The following CD99L2 variants were observed in gnomAD, a reference collection of about 807,000 sequenced individuals.
The protein encoded by CD99L2 is CD99 molecule like 2, also known as CD99 antigen-like protein 2.
Under a neutral mutation model 27.3 loss-of-function variants are expected in CD99L2, and 24 were observed. The ratio of observed to expected loss-of-function variants is 0.88; its 90% CI spans 0.64 to 1.24. CD99L2 has a LOEUF of 1.24. Among genes scored for constraint, CD99L2 ranks in the 50% most tolerant of loss-of-function variants. CD99L2 has a pLI of 0.00. For synonymous variants in CD99L2, 97 were observed against 87.9 expected, an observed-to-expected ratio of 1.10 and a Z score of -0.58; for missense variants, 255 against 221.6, an observed-to-expected ratio of 1.15 and a Z score of -0.96.
chrX:150,831,156 G>A (rs1392863736), intron 2 of CD99L2, 75 bp downstream of exon 2: 24 of 790,684 alleles, frequency 3.0e-5, no homozygotes, highest in African/African-American at 1.1e-4. Flanking sequence ...TTTTTCTTGC[G>A]CATATATTCT....
intron 1 of CD99L2, among the ~76,000 whole-genome samples, chrX:150,875,031 G>A (rs782002525): frequency 8.9e-6 from 1 of 111,797 alleles, no homozygotes; most frequent in South Asian, 3.8e-4. Flanking sequence ...AAATACTTCA[G>A]TGTTTACTGC....
intron 2 of CD99L2, among the ~76,000 whole-genome samples, 185 bp downstream of exon 2, chrX:150,831,046 T>A (rs939342371): frequency 1.6e-4 from 18 of 111,394 alleles, no homozygotes; most frequent in African/African-American, 5.9e-4. Context: ...TGACCTCAAG[T>A]GATCCTCCCA....
At chrX:150,898,415 A>C in intron 1 of CD99L2, 107 bp downstream of exon 1, 11 of 580,429 alleles carry the variant, frequency 1.9e-5, no homozygotes, top group Non-Finnish European at 2.2e-5. Flanking sequence ...GGTGGCAGCC[A>C]CCGCAGGCCC....
chrX:150,880,693 T>C (rs781970755), intron 1 of CD99L2, among the ~76,000 whole-genome samples: 2 of 111,539 alleles, frequency 1.8e-5, no homozygotes, highest in South Asian at 7.7e-4. Flanking sequence ...TCGTATGGTG[T>C]GTGAAAGAAA....
At chrX:150,816,291 G>A (rs2046154293) in intron 2 of CD99L2, 1 of 410,768 alleles carries the variant, frequency 2.4e-6, no homozygotes, top group East Asian at 4.1e-5. Flanking sequence ...TTCTTTGGAG[G>A]CTGAGGGTGG....
chrX:150,889,948 C>T (rs1167451361), intron 1 of CD99L2, among the ~76,000 whole-genome samples: 3 of 107,873 alleles, frequency 2.8e-5, no homozygotes, highest in Admixed American at 2.0e-4. Context: ...GTCAGGAGAT[C>T]GAGACCATCC....
intron 7 of CD99L2, among the ~76,000 whole-genome samples, chrX:150,781,039 T>C (rs2045501517): frequency 1.8e-5 from 2 of 112,414 alleles, no homozygotes; most frequent in South Asian, 7.3e-4. Flanking sequence ...ACTAGGGTTG[T>C]GCACATTTGG....
At chrX:150,862,828 G>A in intron 1 of CD99L2, among the ~76,000 whole-genome samples, 1 of 104,478 alleles carries the variant, frequency 9.6e-6, no homozygotes, top group Admixed American at 1.0e-4. Flanking sequence ...AAGAAGGAAA[G>A]AAAGAGAAAG....
chrX:150,790,462 G>A (rs1435780922), intron 7 of CD99L2, among the ~76,000 whole-genome samples: 2 of 111,165 alleles, frequency 1.8e-5, no homozygotes, highest in East Asian at 5.7e-4. Flanking sequence ...TGGCATTACT[G>A]TACTGAATGG....
At chrX:150,785,519 C>G (rs782268769) in intron 7 of CD99L2, among the ~76,000 whole-genome samples, 24 of 111,463 alleles carry the variant, frequency 2.2e-4, no homozygotes, top group South Asian at 3.8e-4. Flanking sequence ...AACTTACATA[C>G]AGTGAAACAC....
chrX:150,824,361 GGAAGAA>G (rs781975495), intron 2 of CD99L2, among the ~76,000 whole-genome samples: 86 of 81,194 alleles, frequency 1.1e-3, no homozygotes, highest in South Asian at 2.2e-3. Flanking sequence ...GAAGGAAGAA[GGAAGAA>G]GAAGAAGAAG....
Position 150,834,495 on chromosome X carries a change from C to T in CD99L2, c.68-3202G>A, listed in dbSNP as rs180927099. On this transcript the variant is annotated intron_variant, in intron 1 of 10. Transcript: ENST00000370377. Reference sequence around the variant, plus strand: ...GATAGAGCAAGACACCATCTCCAAACAAAACAAAACAAAAACAAAAACAAA... The same window carrying T: ...GATAGAGCAAGACACCATCTCCAAATAAAACAAAACAAAAACAAAAACAAA... 5.1e-3 allele frequency among the ~76,000 whole-genome samples: 573 copies of T among 111,475 alleles called. 7 individuals carry two copies. Among genetic ancestry groups the T allele is most frequent in the Middle Eastern group, 9.4e-3 (2 of 213 alleles).
chrX:150,862,135 A>C (rs2046989551), intron 1 of CD99L2, among the ~76,000 whole-genome samples: 1 of 111,795 alleles, frequency 8.9e-6, no homozygotes, highest in Non-Finnish European at 1.9e-5. Flanking sequence ...GTTTATATTT[A>C]AAAGCAATAA....
chrX:150,802,155 A>C (rs1042069836), intron 4 of CD99L2, among the ~76,000 whole-genome samples: 21 of 112,216 alleles, frequency 1.9e-4, no homozygotes, highest in African/African-American at 6.5e-4. Context: ...ATCTACAAAA[A>C]ATTTCTAGAA....
At chrX:150,795,375 TG>T (rs1557419874) in intron 5 of CD99L2, 42 bp downstream of exon 5, 1 of 1,205,232 alleles carries the variant, frequency 8.3e-7, no homozygotes, top group Admixed American at 2.2e-5. Context: ...GGGAGCCCCA[TG>T]GGATCCTTGC....
chrX:150,776,932 A>AAAGGTGGG, intron 8 of CD99L2: 1 of 139,382 alleles, frequency 7.2e-6, no homozygotes, highest in Non-Finnish European at 1.4e-5. Context: ...TTTGGTCCAG[A>AAAGGTGGG]AAGGTGGGAC....
At chrX:150,807,833 G>T (rs1557420280) in intron 4 of CD99L2, among the ~76,000 whole-genome samples, 1 of 112,009 alleles carries the variant, frequency 8.9e-6, no homozygotes, top group Non-Finnish European at 1.9e-5. Context: ...TTTCATGTCA[G>T]TTCCAGAGCT....
At chrX:150,878,533 T>TAAAAA (rs782675993) in intron 1 of CD99L2, among the ~76,000 whole-genome samples, 1 of 64,126 alleles carries the variant, frequency 1.6e-5, no homozygotes. Context: ...TTAATACTAC[T>TAAAAA]AAAAAAAAAA....
chrX:150,777,300 T>C, intron 8 of CD99L2, 144 bp downstream of exon 8: 1 of 686,304 alleles, frequency 1.5e-6, no homozygotes, highest in Non-Finnish European at 2.2e-6. Context: ...TCTTTGCAGC[T>C]ATCTTATTTA....
Sources: allele counts gnomAD v4.1 joint callset (sites outside exome capture counted in the v4.1 genomes callset), GRCh38; gene constraint gnomAD v4.1.1; transcripts MANE v1.5; gene names NCBI Gene and HGNC (gene_info 2026-07-23, HGNC 2026-07-21).